The following PPP2R5C variants were observed in gnomAD, a reference collection of about 807,000 sequenced individuals.
The protein encoded by PPP2R5C is protein phosphatase 2 regulatory subunit B'gamma.
Under a neutral mutation model 68.9 loss-of-function variants are expected in PPP2R5C, and 7 were observed. The observed-to-expected ratio is 0.10, with a 90% CI of 0.06 to 0.19. The LOEUF (loss-of-function observed/expected upper bound fraction) is 0.19. Among genes scored for constraint, PPP2R5C ranks in the 10% least tolerant of loss-of-function variants. The probability of loss-of-function intolerance (pLI) is 1.00; values close to 1 mark genes in which losing one functional copy is unlikely to be tolerated. For synonymous variants in PPP2R5C, 210 were observed against 222.2 expected, an observed-to-expected ratio of 0.95 and a Z score of 0.49; for missense variants, 348 against 641.3, an observed-to-expected ratio of 0.54 and a Z score of 4.94.
rs915696164 is a variant in PPP2R5C, at chr14:101,787,414, G to A, written c.259+1231G>A. On this transcript the variant is annotated intron_variant, in intron 3 of 14. Transcript: ENST00000328724. ...GTGGATGGTGGATTTATGGGTGGGT[G>A]GATGGGTGGGTGGATTTACGGGTGG... 4.7e-5 allele frequency among the ~76,000 whole-genome samples: 7 copies of A among 149,614 alleles called. No individual in the cohort carries two copies. The South Asian group carries it at 1.2e-3, about 27-fold the overall frequency.
intron 9 of PPP2R5C, among the ~76,000 whole-genome samples, chr14:101,905,377 G>C (rs1343748087): frequency 1.3e-5 from 2 of 150,360 alleles, no homozygotes; most frequent in Non-Finnish European, 3.0e-5. Flanking sequence ...AAAATGGATG[G>C]GCTAGGCGTG....
At chr14:101,872,945 A>C (rs111907607) in intron 2 of PPP2R5C, among the ~76,000 whole-genome samples, 3 of 148,290 alleles carry the variant, frequency 2.0e-5, no homozygotes, top group African/African-American at 7.5e-5. Context: ...TTTTCTGTGT[A>C]ACATTTGGAT....
chr14:101,919,413 A>C (rs1030702870), intron 13 of PPP2R5C, among the ~76,000 whole-genome samples: 1 of 152,236 alleles, frequency 6.6e-6, no homozygotes, highest in African/African-American at 2.4e-5. Context: ...ATGTCATCAA[A>C]AATATGAAAA....
chr14:101,822,305 G>A (rs1012733705), intron 1 of PPP2R5C, among the ~76,000 whole-genome samples: 7 of 152,058 alleles, frequency 4.6e-5, no homozygotes, highest in East Asian at 1.9e-4. Flanking sequence ...TTGGCGTTCC[G>A]ATCTAATCCC....
chr14:101,808,136 C>T (rs1205254163), upstream of PPP2R5C, among the ~76,000 whole-genome samples: 1 of 151,392 alleles, frequency 6.6e-6, no homozygotes, highest in Non-Finnish European at 1.5e-5. Context: ...CAGTGAGAGT[C>T]ATCAACACTG....
At chr14:101,842,282 G>T (rs2041525497) in intron 1 of PPP2R5C, among the ~76,000 whole-genome samples, 1 of 152,164 alleles carries the variant, frequency 6.6e-6, no homozygotes, top group Non-Finnish European at 1.5e-5. Context: ...TGATATGATG[G>T]GCCCTTTGAG....
intron 1 of PPP2R5C, chr14:101,819,738 C>G (rs1019860816): frequency 6.6e-6 from 1 of 152,610 alleles, no homozygotes; most frequent in Non-Finnish European, 1.5e-5. Flanking sequence ...ACCGCAGCAT[C>G]CTGTGTAGCT....
chr14:101,800,303 T>C (rs2038803088), intron 3 of PPP2R5C, among the ~76,000 whole-genome samples: 1 of 152,214 alleles, frequency 6.6e-6, no homozygotes, highest in Non-Finnish European at 1.5e-5. Context: ...GGGTCATGCC[T>C]GTAATCCTAG....
chr14:101,910,763 C>G (rs757131419), intron 11 of PPP2R5C, among the ~76,000 whole-genome samples: 49 of 150,736 alleles, frequency 3.3e-4, no homozygotes, highest in Admixed American at 1.3e-3. Context: ...GTCAGGAGAT[C>G]GAGACCATCC....
intron 2 of PPP2R5C, among the ~76,000 whole-genome samples, chr14:101,880,230 A>G (rs1197876853): frequency 1.3e-5 from 2 of 152,164 alleles, no homozygotes; most frequent in Non-Finnish European, 2.9e-5. Flanking sequence ...TTGTCTTTGT[A>G]CCTATGTCTT....
chr14:101,897,529 G>C (rs2045413851), intron 8 of PPP2R5C, among the ~76,000 whole-genome samples: 1 of 152,026 alleles, frequency 6.6e-6, no homozygotes, highest in Non-Finnish European at 1.5e-5. Flanking sequence ...CGATGTTCGA[G>C]GGCAGGAAGC....
At chr14:101,867,351 A>G (rs1466604104) in intron 2 of PPP2R5C, among the ~76,000 whole-genome samples, 5 of 152,100 alleles carry the variant, frequency 3.3e-5, no homozygotes, top group Admixed American at 1.3e-4. Context: ...TAAGGCTGCA[A>G]TGAGGTATGA....
intron 1 of PPP2R5C, among the ~76,000 whole-genome samples, chr14:101,851,273 C>G (rs2042141508): frequency 6.6e-6 from 1 of 152,024 alleles, no homozygotes; most frequent in Non-Finnish European, 1.5e-5. Flanking sequence ...TCTCTATAAA[C>G]AATTTAAAAA....
chr14:101,816,871 TATATATATATTATATATATATTATATAA>T (rs993632054), intron 1 of PPP2R5C, among the ~76,000 whole-genome samples: 13 of 138,418 alleles, frequency 9.4e-5, no homozygotes, highest in African/African-American at 3.3e-4. Context: ...TATATTTATT[TATATATATATTATATATATATTATATAA>T]ATATATATAT....
intron 13 of PPP2R5C, among the ~76,000 whole-genome samples, chr14:101,923,082 C>T (rs2047102755): frequency 6.6e-6 from 1 of 152,220 alleles, no homozygotes; most frequent in African/African-American, 2.4e-5. Flanking sequence ...AGCATGTTCA[C>T]CTGCACATCC....
chr14:101,763,896 T>C (rs1251413125), intron 2 of PPP2R5C, among the ~76,000 whole-genome samples: 1 of 152,222 alleles, frequency 6.6e-6, no homozygotes, highest in South Asian at 2.1e-4. Flanking sequence ...GCTACTGACG[T>C]CCTGGGCTAG....
chr14:101,816,140 T>C lies in PPP2R5C; in HGVS notation c.94+6104T>C, dbSNP rs114088908. ...GCAAAAACCTGCTGAGCAGACGTTATACCCAAGTGCAAGAGTAAGACTACC... is the reference window on the plus strand; with the variant it reads ...GCAAAAACCTGCTGAGCAGACGTTACACCCAAGTGCAAGAGTAAGACTACC... On this transcript the variant is annotated intron_variant, in intron 1 of 13. Coordinates refer to ENST00000334743, the Ensembl canonical transcript of PPP2R5C. Among the ~76,000 whole-genome samples, 1,422 of 152,354 alleles carry C rather than the reference T, an allele frequency of 9.3e-3. 28 individuals are homozygous for C. Among genetic ancestry groups the C allele is most frequent in the African/African-American group, 0.033 (1,370 of 41,576 alleles).
At chr14:101,803,361 C>T (rs2038947539) in intron 3 of PPP2R5C, 1 of 152,314 alleles carries the variant, frequency 6.6e-6, no homozygotes, top group Non-Finnish European at 1.5e-5. Flanking sequence ...ACTGGATATT[C>T]ATATGCAGAA....
At chr14:101,829,598 A>G (rs571778924) in intron 1 of PPP2R5C, among the ~76,000 whole-genome samples, 10 of 152,308 alleles carry the variant, frequency 6.6e-5, no homozygotes, top group Admixed American at 6.5e-4. Flanking sequence ...ACCTCTTATA[A>G]TATTCCATAA....
Sources: gnomAD v4.1 joint callset for allele counts (sites outside exome capture counted in the v4.1 genomes callset) on GRCh38, gnomAD v4.1.1 for gene constraint, MANE v1.5 for transcripts, NCBI Gene and HGNC (gene_info 2026-07-23, HGNC 2026-07-21) for gene names.